Variants in GRIA1 observed in about 807,000 individuals in gnomAD.
GRIA1 encodes glutamate receptor 1.
GRIA1 carries 31 observed loss-of-function variants against 99.2 expected under a neutral mutation model. That is an observed-to-expected ratio of 0.31 (90% CI 0.23 to 0.42). The LOEUF is 0.42. GRIA1 is among the 10% of genes least tolerant of loss of function. The pLI, the probability that GRIA1 is intolerant of heterozygous loss-of-function variation, is 1.00. For missense variants in GRIA1, 782 were observed against 1,157.5 expected, an observed-to-expected ratio of 0.68 and a Z score of 4.71; for synonymous variants, 438 against 432.4, an observed-to-expected ratio of 1.01 and a Z score of -0.16.
intron 2 of GRIA1, among the ~76,000 whole-genome samples, chr5:153,526,135 A>G (rs1321603261): frequency 6.6e-6 from 1 of 152,212 alleles, no homozygotes; most frequent in East Asian, 1.9e-4. Flanking sequence ...TATGATGGGA[A>G]TAATAATTTC....
At chr5:153,769,356 T>C (rs1763727798) in intron 12 of GRIA1, among the ~76,000 whole-genome samples, 1 of 152,184 alleles carries the variant, frequency 6.6e-6, no homozygotes, top group African/African-American at 2.4e-5. Context: ...TACATGATAA[T>C]GGTGCCTACT....
intron 2 of GRIA1, among the ~76,000 whole-genome samples, chr5:153,577,087 T>G (rs1762621344): frequency 7.1e-6 from 1 of 140,658 alleles, no homozygotes; most frequent in Non-Finnish European, 1.6e-5. Context: ...GATGAGTGGA[T>G]GAATGGATGG....
At chr5:153,670,681 T>C (rs1002275177) in intron 5 of GRIA1, among the ~76,000 whole-genome samples, 9 of 152,142 alleles carry the variant, frequency 5.9e-5, no homozygotes, top group African/African-American at 1.9e-4. Context: ...AGGTTTTTTT[T>C]AATAAAATGG....
chr5:153,495,995 G>A (rs1754378206), intron 2 of GRIA1, among the ~76,000 whole-genome samples: 1 of 152,220 alleles, frequency 6.6e-6, no homozygotes, highest in Non-Finnish European at 1.5e-5. Context: ...TAAATAGCTG[G>A]TGTGTGTATT....
chr5:153,641,208 CT>C (rs1403230777), intron 2 of GRIA1, among the ~76,000 whole-genome samples: 2 of 152,120 alleles, frequency 1.3e-5, no homozygotes, highest in African/African-American at 4.8e-5. Context: ...TCATTATCTG[CT>C]ATTTACAATG....
At chr5:153,649,427 T>C (rs372882975) in intron 3 of GRIA1, among the ~76,000 whole-genome samples, 3 of 147,962 alleles carry the variant, frequency 2.0e-5, no homozygotes, top group African/African-American at 7.6e-5. Context: ...TCAGGACACA[T>C]TTTATTTATT....
At chr5:153,663,218 A>G (rs1755499186) in intron 5 of GRIA1, among the ~76,000 whole-genome samples, 2 of 152,306 alleles carry the variant, frequency 1.3e-5, no homozygotes, top group South Asian at 4.2e-4. Context: ...TTCTGGTCCC[A>G]TTTTATAAGG....
intron 5 of GRIA1, among the ~76,000 whole-genome samples, chr5:153,670,842 G>T (rs972829177): frequency 3.3e-5 from 5 of 152,034 alleles, no homozygotes; most frequent in African/African-American, 1.2e-4. Context: ...AGTTGTGCAG[G>T]TTCATTTTCT....
At chr5:153,507,249 C>T (rs1456071494) in intron 2 of GRIA1, among the ~76,000 whole-genome samples, 2 of 152,096 alleles carry the variant, frequency 1.3e-5, no homozygotes, top group Non-Finnish European at 2.9e-5. Flanking sequence ...TTCTTGCAGC[C>T]TAGGGCTGAT....
intron 2 of GRIA1, among the ~76,000 whole-genome samples, chr5:153,517,563 T>G (rs1485242003): frequency 2.0e-5 from 3 of 152,152 alleles, no homozygotes; most frequent in Admixed American, 6.5e-5. Context: ...CTGTGGCAGC[T>G]CCTTATAAAG....
intron 3 of GRIA1, among the ~76,000 whole-genome samples, chr5:153,649,958 G>A (rs1245183887): frequency 1.3e-5 from 2 of 152,176 alleles, no homozygotes; most frequent in African/African-American, 4.8e-5. Context: ...GCAGGTGTCA[G>A]GCTCTGCTAT....
intron 11 of GRIA1, among the ~76,000 whole-genome samples, chr5:153,715,928 C>G (rs1340890079): frequency 6.6e-6 from 1 of 152,140 alleles, no homozygotes; most frequent in Non-Finnish European, 1.5e-5. Context: ...TCACTAACTA[C>G]CTGTGTAACA....
intron 8 of GRIA1, among the ~76,000 whole-genome samples, chr5:153,694,068 TTTC>T: frequency 6.6e-6 from 1 of 152,362 alleles, no homozygotes; most frequent in East Asian, 1.9e-4. Flanking sequence ...TTGTTTACAA[TTTC>T]TAACTATTCT....
chr5:153,672,738 TG>T (rs1351777821), intron 5 of GRIA1, among the ~76,000 whole-genome samples: 8 of 152,218 alleles, frequency 5.3e-5, no homozygotes, highest in Non-Finnish European at 8.8e-5. Flanking sequence ...CTGGGACCGC[TG>T]CTCTAATTCC....
chr5:153,689,795 G>T (rs924357358), intron 8 of GRIA1, among the ~76,000 whole-genome samples: 1 of 152,178 alleles, frequency 6.6e-6, no homozygotes, highest in African/African-American at 2.4e-5. Flanking sequence ...TCTCCTGGCT[G>T]GACTTCGGCT....
intron 4 of GRIA1, among the ~76,000 whole-genome samples, chr5:153,651,052 C>G (rs1013487109): frequency 1.3e-5 from 2 of 151,732 alleles, no homozygotes; most frequent in African/African-American, 4.8e-5. Flanking sequence ...GCACTCCAGC[C>G]TAGGCAACAG....
intron 2 of GRIA1, among the ~76,000 whole-genome samples, chr5:153,529,850 A>G (rs1757935860): frequency 6.6e-6 from 1 of 152,160 alleles, no homozygotes; most frequent in Non-Finnish European, 1.5e-5. Flanking sequence ...AATTCACACA[A>G]TAAAATGAGC....
Position 153,795,543 on chromosome 5 carries a change from T to C in GRIA1, c.2385+808T>C, listed in dbSNP as rs2149661916. The stretch of plus-strand genomic sequence containing the variant: ...CGTCTTAGACAAGCTGAAAAGCAAA[T>C]GGTGGTACGATAAAGGGGAATGTGG... On this transcript the variant is annotated intron_variant, in intron 14 of 15. Transcript: ENST00000285900. 6.2e-7 allele frequency: 1 copy of C among 1,613,062 alleles called. No individual in the cohort carries two copies. Among genetic ancestry groups the C allele is most frequent in the Non-Finnish European group, 8.5e-7 (1 of 1,179,370 alleles).
intron 13 of GRIA1, among the ~76,000 whole-genome samples, chr5:153,780,799 C>T (rs920669029): frequency 2.0e-5 from 3 of 152,158 alleles, no homozygotes; most frequent in Non-Finnish European, 4.4e-5. Context: ...CTCACCATCT[C>T]TTCTGTTTGT....
Sources: gnomAD v4.1 joint callset for allele counts (sites outside exome capture counted in the v4.1 genomes callset) on GRCh38, gnomAD v4.1.1 for gene constraint, MANE v1.5 for transcripts, NCBI Gene and HGNC (gene_info 2026-07-23, HGNC 2026-07-21) for gene names.